Variants in NAV3 observed in about 807,000 individuals in gnomAD.
The protein encoded by NAV3 is pore membrane and/or filament interacting like protein 1.
Under a neutral mutation model 244.7 loss-of-function variants are expected in NAV3, and 87 were observed. The ratio of observed to expected loss-of-function variants is 0.36; its 90% confidence interval spans 0.30 to 0.42. The LOEUF is 0.42. Among genes scored for constraint, NAV3 ranks in the 20% least tolerant of loss-of-function variants. The pLI, the probability that NAV3 is intolerant of heterozygous loss-of-function variation, is 1.00. For synonymous variants in NAV3, 1,126 were observed against 1,042.2 expected, an observed-to-expected ratio of 1.08 and a Z score of -1.55; for missense variants, 2,663 against 2,893.3, an observed-to-expected ratio of 0.92 and a Z score of 1.83.
At chr12:77,644,833 C>T (rs1051533524) in intron 2 of NAV3, among the ~76,000 whole-genome samples, 1 of 151,904 alleles carries the variant, frequency 6.6e-6, no homozygotes, top group Non-Finnish European at 1.5e-5. Context: ...GCTAAACAAA[C>T]AAAGCAACAA....
intron 12 of NAV3, among the ~76,000 whole-genome samples, chr12:78,110,591 A>C (rs994621222): frequency 3.9e-5 from 6 of 152,044 alleles, no homozygotes; most frequent in Non-Finnish European, 2.9e-5. Flanking sequence ...AATGTAAAAA[A>C]AGAACAAAGC....
At chr12:78,050,169 T>A in intron 10 of NAV3, 68 bp downstream of exon 10, 2 of 1,096,706 alleles carry the variant, frequency 1.8e-6, no homozygotes, top group East Asian at 5.1e-5. Flanking sequence ...CATTTAACTT[T>A]TCTTATAATG....
At position 78,177,696 on chromosome 12, in the gene NAV3, G is replaced by A; in HGVS notation, c.5363+11G>A. On this transcript the variant is annotated intron_variant, in intron 28 of 39. Transcript: ENST00000397909. Reference sequence around the variant, plus strand: ...CAAGCATAGATCTCGGTAAAGTGGAGTGCGATGCATGAATACTGCAAAGAT... The same window carrying A: ...CAAGCATAGATCTCGGTAAAGTGGAATGCGATGCATGAATACTGCAAAGAT... 1 of 1,596,540 alleles carries A rather than the reference G, an allele frequency of 6.3e-7. No homozygotes were observed. The highest frequency in any genetic ancestry group is 2.2e-5 in the East Asian group (1 of 44,626).
intron 2 of NAV3, among the ~76,000 whole-genome samples, chr12:77,805,832 C>G (rs1341389531): frequency 1.3e-5 from 2 of 152,100 alleles, no homozygotes; most frequent in African/African-American, 2.4e-5. Context: ...TAATTACTGC[C>G]TCAATTTCAG....
At chr12:78,135,375 G>T (rs1486904699) in intron 18 of NAV3, among the ~76,000 whole-genome samples, 2 of 152,218 alleles carry the variant, frequency 1.3e-5, no homozygotes, top group Non-Finnish European at 2.9e-5. Flanking sequence ...TATCAAAAGG[G>T]TTTGTAAATG....
intron 1 of NAV3, among the ~76,000 whole-genome samples, chr12:77,929,165 CA>C (rs1440439188): frequency 1.3e-5 from 2 of 152,114 alleles, no homozygotes; most frequent in African/African-American, 4.8e-5. Flanking sequence ...TGAAATATAT[CA>C]TTAGTAATAT....
At chr12:77,838,870 AAAATG>A (rs1358243114) in intron 1 of NAV3, among the ~76,000 whole-genome samples, 8 of 152,248 alleles carry the variant, frequency 5.3e-5, no homozygotes, top group African/African-American at 1.7e-4. Context: ...TATTTGTTAA[AAAATG>A]AAATGAAATG....
rs889022370 is a variant in NAV3 at position 77,863,652 on chromosome 12, C to T, written c.243+31948C>T. ...CTTGATTCATTGACAGAAATGTTTACGGAATTCATCCAGTTAGCAATATTT... is the reference window on the plus strand; with the variant it reads ...CTTGATTCATTGACAGAAATGTTTATGGAATTCATCCAGTTAGCAATATTT... On this transcript the variant is annotated intron_variant, in intron 1 of 39. Coordinates refer to ENST00000397909, the MANE Select transcript of NAV3 (RefSeq NM_001024383.2). Among the ~76,000 whole-genome samples the T allele has an allele frequency of 4.6e-5, 7 of 151,584 alleles. No individual in the cohort carries two copies. The East Asian group carries it at 7.7e-4, about 17-fold the overall frequency.
chr12:78,201,568 A>T (rs1437784167), intron 38 of NAV3, among the ~76,000 whole-genome samples: 5 of 152,088 alleles, frequency 3.3e-5, no homozygotes, highest in African/African-American at 9.7e-5. Context: ...ATGAAAATGT[A>T]TCACTAAAAA....
rs1030193346 is a variant in NAV3 at position 78,203,756 on chromosome 12, A to G, written c.6835-1179A>G. 2.0e-5 allele frequency among the ~76,000 whole-genome samples: 3 copies of G among 152,082 alleles called. No homozygotes were observed. The East Asian group carries it at 5.8e-4, about 29-fold the overall frequency. The stretch of plus-strand genomic sequence containing the variant: ...GTAAAGCAAGTCAAATGGGGAGGGA[A>G]AGTAATTTAAGGAAAAAGTGTCCCT... On this transcript the variant is annotated intron_variant, in intron 38 of 39. Transcript: ENST00000397909.
intron 12 of NAV3, among the ~76,000 whole-genome samples, chr12:78,098,518 C>A (rs866823229): frequency 2.6e-5 from 4 of 151,540 alleles, no homozygotes; most frequent in Admixed American, 1.3e-4. Flanking sequence ...ACCTTTCAAA[C>A]CTTACCATAA....
intron 2 of NAV3, among the ~76,000 whole-genome samples, chr12:77,812,605 A>G (rs1872343499): frequency 1.3e-5 from 2 of 151,604 alleles, no homozygotes; most frequent in African/African-American, 2.4e-5. Flanking sequence ...AGTAGAGATG[A>G]GGTTTCACCA....
chr12:77,787,699 A>G (rs1485874200), intron 2 of NAV3, among the ~76,000 whole-genome samples: 1 of 152,218 alleles, frequency 6.6e-6, no homozygotes, highest in Non-Finnish European at 1.5e-5. Context: ...GATTATGGGA[A>G]CTACAATTCA....
Position 77,665,272 on chromosome 12 carries a change from A to G in NAV3, c.72+93006A>G, listed in dbSNP as rs1319905425. Among the ~76,000 whole-genome samples the G allele has an allele frequency of 6.6e-5, 10 of 152,336 alleles. No individual in the cohort carries two copies. The East Asian group carries it at 1.9e-3, about 29-fold the overall frequency. ...GCTCAGTCAAGGACATATCTATATT[A>G]TTAAACTCACTTCTTTAGGAAACCC... On this transcript the variant is annotated intron_variant, in intron 2 of 8. Coordinates refer to the NAV3 transcript ENST00000550042.
chr12:77,771,671 C>A (rs571654414), intron 2 of NAV3, among the ~76,000 whole-genome samples: 2 of 152,132 alleles, frequency 1.3e-5, no homozygotes, highest in East Asian at 1.9e-4. Context: ...GGACAAAAAA[C>A]CAAACACTGC....
intron 2 of NAV3, among the ~76,000 whole-genome samples, chr12:77,804,354 G>T (rs1871862546): frequency 6.6e-6 from 1 of 152,116 alleles, no homozygotes; most frequent in African/African-American, 2.4e-5. Flanking sequence ...TTTGTATAAG[G>T]TGTATAAGGG....
intron 9 of NAV3, among the ~76,000 whole-genome samples, chr12:78,027,289 A>G (rs1230655807): frequency 1.3e-5 from 2 of 151,990 alleles, no homozygotes; most frequent in Non-Finnish European, 2.9e-5. Flanking sequence ...AAAAAATTCA[A>G]ATTGTTCAGG....
At chr12:77,814,016 G>C (rs1292717738) in intron 2 of NAV3, among the ~76,000 whole-genome samples, 1 of 152,132 alleles carries the variant, frequency 6.6e-6, no homozygotes, top group Non-Finnish European at 1.5e-5. Context: ...GAACTTGTTA[G>C]AAAAGCAGAT....
rs556503517 is a variant in NAV3 at position 78,047,589 on chromosome 12, A to C, written c.2024-2404A>C. Among the ~76,000 whole-genome samples the C allele has an allele frequency of 8.5e-5, 13 of 152,296 alleles. No individual in the cohort carries two copies. In the East Asian group the frequency reaches 2.5e-3, roughly 29 times the overall value. On this transcript the variant is annotated intron_variant, in intron 9 of 39. Transcript: ENST00000397909. Reference sequence around the variant, plus strand: ...TGCAGAGAGATCCACTGTTAGTCTGATGGGCTTCCCTTTGTGGGTAATCAG... The same window carrying C: ...TGCAGAGAGATCCACTGTTAGTCTGCTGGGCTTCCCTTTGTGGGTAATCAG...
Sources: allele counts gnomAD v4.1 joint callset (sites outside exome capture counted in the v4.1 genomes callset), GRCh38; gene constraint gnomAD v4.1.1; transcripts MANE v1.5; gene names NCBI Gene and HGNC (gene_info 2026-07-23, HGNC 2026-07-21).